The following SCHIP1 variants were observed in gnomAD, a reference collection of about 807,000 sequenced individuals.
SCHIP1 encodes the protein schwannomin-interacting protein 1.
A neutral mutation model predicts 29.7 loss-of-function variants in SCHIP1; 8 were observed. The ratio of observed to expected loss-of-function variants is 0.27; its 90% CI spans 0.16 to 0.49. SCHIP1 has a LOEUF of 0.49. Ranked by LOEUF, SCHIP1 falls within the 20% of genes least tolerant of loss-of-function variation. The pLI is 0.99. For synonymous variants in SCHIP1, 76 were observed against 94.9 expected (o/e 0.80, Z 1.16); for missense variants, 193 against 294.6 (o/e 0.66, Z 2.52).
At chr3:159,811,391 C>T in the SCHIP1 span, among the ~76,000 whole-genome samples, 1 of 152,160 alleles carries the variant, frequency 6.6e-6, no homozygotes, top group African/African-American at 2.4e-5. Flanking sequence ...CAAAGATCTT[C>T]TGCTTTCTTC....
chr3:159,627,010 G>T, the SCHIP1 span, among the ~76,000 whole-genome samples: 2 of 152,256 alleles, frequency 1.3e-5, no homozygotes, highest in Admixed American at 6.5e-5. Context: ...TTAGGTATTT[G>T]TTCTAATGCT....
chr3:159,730,249 G>A, the SCHIP1 span, among the ~76,000 whole-genome samples: 4 of 152,168 alleles, frequency 2.6e-5, no homozygotes, highest in Non-Finnish European at 5.9e-5. Flanking sequence ...AAATGCTGGT[G>A]CCAAAATACC....
At chr3:159,399,265 A>G in the SCHIP1 span, among the ~76,000 whole-genome samples, 1 of 152,174 alleles carries the variant, frequency 6.6e-6, no homozygotes, top group African/African-American at 2.4e-5. Flanking sequence ...CTTCCCCGAC[A>G]TATTACTGAT....
chr3:159,650,435 A>T, the SCHIP1 span, among the ~76,000 whole-genome samples: 1 of 151,972 alleles, frequency 6.6e-6, no homozygotes, highest in East Asian at 1.9e-4. Flanking sequence ...TTTATTTAAA[A>T]TACTAGGTAG....
the SCHIP1 span, among the ~76,000 whole-genome samples, chr3:159,568,712 GTGTA>G: frequency 5.3e-5 from 8 of 152,118 alleles, no homozygotes; most frequent in Non-Finnish European, 1.0e-4. Flanking sequence ...GTGCATGCAT[GTGTA>G]TGTGTGTCTC....
the SCHIP1 span, among the ~76,000 whole-genome samples, chr3:159,584,823 G>A: frequency 6.6e-6 from 1 of 151,926 alleles, no homozygotes; most frequent in Admixed American, 6.6e-5. Flanking sequence ...AACGATGGGT[G>A]GCTTTCCTAG....
At chr3:159,309,001 C>CT in the SCHIP1 span, 1 of 151,926 alleles carries the variant, frequency 6.6e-6, no homozygotes, top group Admixed American at 6.6e-5. Context: ...ACAATAGAGA[C>CT]TGTGGACTAT....
chr3:159,660,270 AGAT>A, the SCHIP1 span, among the ~76,000 whole-genome samples: 1 of 152,176 alleles, frequency 6.6e-6, no homozygotes, highest in Admixed American at 6.6e-5. Flanking sequence ...CTTCGAGTAT[AGAT>A]GATGTCTGTG....
At chr3:159,814,618 G>A in the SCHIP1 span, among the ~76,000 whole-genome samples, 5 of 152,324 alleles carry the variant, frequency 3.3e-5, no homozygotes, top group East Asian at 1.9e-4. Context: ...CCCATGTGCC[G>A]CACATTTTGC....
At chr3:159,523,886 C>T in the SCHIP1 span, among the ~76,000 whole-genome samples, 2 of 152,158 alleles carry the variant, frequency 1.3e-5, no homozygotes, top group East Asian at 3.9e-4. Flanking sequence ...GAAAGAATTG[C>T]CTCCTCAAAT....
intron 6 of SCHIP1, among the ~76,000 whole-genome samples, chr3:159,896,205 T>C (rs1051867842): frequency 1.3e-5 from 2 of 152,252 alleles, no homozygotes; most frequent in African/African-American, 4.8e-5. Flanking sequence ...TCTAGGTCTG[T>C]GTCTGCATGG....
the SCHIP1 span, among the ~76,000 whole-genome samples, chr3:159,680,675 TATATA>T: frequency 1.5e-5 from 1 of 67,024 alleles, no homozygotes; most frequent in African/African-American, 7.5e-5. Flanking sequence ...ATATATTATA[TATATA>T]ATATATGTAT....
At chr3:159,890,047 A>G (rs949476352) in intron 5 of SCHIP1, among the ~76,000 whole-genome samples, 16 of 151,990 alleles carry the variant, frequency 1.1e-4, no homozygotes, top group Admixed American at 8.5e-4. Flanking sequence ...GTGAGCCGAG[A>G]TCTCGCCACT....
At chr3:159,348,810 C>T in the SCHIP1 span, among the ~76,000 whole-genome samples, 1 of 152,122 alleles carries the variant, frequency 6.6e-6, no homozygotes, top group African/African-American at 2.4e-5. Flanking sequence ...TATGCAATTG[C>T]AAGGAAATTA....
the SCHIP1 span, among the ~76,000 whole-genome samples, chr3:159,365,414 T>C: frequency 6.6e-6 from 1 of 152,160 alleles, no homozygotes; most frequent in Non-Finnish European, 1.5e-5. Context: ...GTGTCTAAAA[T>C]AGAACACATT....
chr3:159,387,844 C>T, the SCHIP1 span, among the ~76,000 whole-genome samples: 1 of 152,104 alleles, frequency 6.6e-6, no homozygotes, highest in Non-Finnish European at 1.5e-5. Context: ...ATACACCATC[C>T]ACATACCAGT....
chr3:159,683,434 T>C, the SCHIP1 span, among the ~76,000 whole-genome samples: 1 of 152,116 alleles, frequency 6.6e-6, no homozygotes, highest in Non-Finnish European at 1.5e-5. Context: ...TCTTGCTCCA[T>C]TGCGTTTTTT....
chr3:159,689,445 T>A, the SCHIP1 span, among the ~76,000 whole-genome samples: 1 of 152,158 alleles, frequency 6.6e-6, no homozygotes, highest in African/African-American at 2.4e-5. Flanking sequence ...GCACATTGAT[T>A]TTTGTATCCT....
the SCHIP1 span, among the ~76,000 whole-genome samples, chr3:159,445,470 G>A: frequency 1.3e-4 from 19 of 151,630 alleles, no homozygotes; most frequent in South Asian, 3.6e-3. Flanking sequence ...TCAGTGTGGC[G>A]ATTCCTCAGG....
Sources: allele counts gnomAD v4.1 joint callset (sites outside exome capture counted in the v4.1 genomes callset), GRCh38; gene constraint gnomAD v4.1.1; transcripts MANE v1.5; gene names NCBI Gene and HGNC (gene_info 2026-07-23, HGNC 2026-07-21).